Variants in THSD4 observed in about 807,000 individuals in gnomAD.
THSD4 encodes the protein thrombospondin type 1 domain containing 4, also known as thrombospondin type-1 domain-containing protein 4.
A neutral mutation model predicts 119.0 loss-of-function variants in THSD4; 69 were observed. That is an observed-to-expected ratio of 0.58 (90% confidence interval 0.48 to 0.71). The LOEUF is 0.71. Ranked by LOEUF, THSD4 falls within the 30% of genes least tolerant of loss-of-function variation. The pLI, the probability that THSD4 is intolerant of heterozygous loss-of-function variation, is 0.00. For synonymous variants in THSD4, 524 were observed against 540.4 expected (o/e 0.97, Z 0.42); for missense variants, 1,393 against 1,391.1 (o/e 1.00, Z -0.02).
intron 1 of THSD4, among the ~76,000 whole-genome samples, chr15:71,109,038 A>G (rs1213262342): frequency 6.6e-6 from 1 of 151,990 alleles, no homozygotes; most frequent in Non-Finnish European, 1.5e-5. Context: ...AAACAAAAAG[A>G]GAAAATACTC....
chr15:71,706,155 G>T (rs573604417), intron 8 of THSD4, among the ~76,000 whole-genome samples: 3 of 152,156 alleles, frequency 2.0e-5, no homozygotes, highest in Non-Finnish European at 2.9e-5. Context: ...CTGGCCTTCC[G>T]AACAGAAGAC....
intron 14 of THSD4, 29 bp from the exon 15 acceptor site, chr15:71,757,873 G>T (rs754807557): frequency 6.2e-7 from 1 of 1,610,980 alleles, no homozygotes. Context: ...AGGGCCTCCT[G>T]ACTAATGTGC....
chr15:71,271,146 T>C (rs1485133261), intron 6 of THSD4, among the ~76,000 whole-genome samples: 1 of 130,898 alleles, frequency 7.6e-6, no homozygotes, highest in Non-Finnish European at 1.8e-5. Context: ...AGTAATCGTT[T>C]TGCCATAAAA....
intron 8 of THSD4, among the ~76,000 whole-genome samples, chr15:71,727,552 AAATATATAT>A (rs2052874654): frequency 9.4e-6 from 1 of 106,410 alleles, no homozygotes; most frequent in African/African-American, 4.6e-5. Context: ...AAAAAAAAAA[AAATATATAT>A]ATATATATAT....
At chr15:71,532,863 C>T (rs2048636166) in intron 7 of THSD4, among the ~76,000 whole-genome samples, 1 of 152,124 alleles carries the variant, frequency 6.6e-6, no homozygotes, top group African/African-American at 2.4e-5. Flanking sequence ...TGGAAGAAAA[C>T]CAATGAGTTG....
intron 7 of THSD4, among the ~76,000 whole-genome samples, chr15:71,425,769 G>A (rs1018010173): frequency 1.3e-5 from 2 of 152,212 alleles, no homozygotes; most frequent in African/African-American, 4.8e-5. Flanking sequence ...TTGAATTTCA[G>A]CAAATGAAGT....
intron 7 of THSD4, among the ~76,000 whole-genome samples, chr15:71,553,698 A>G (rs1308101379): frequency 6.6e-6 from 1 of 152,166 alleles, no homozygotes; most frequent in Non-Finnish European, 1.5e-5. Flanking sequence ...GATACATTTT[A>G]TCCAGTTACA....
At chr15:71,550,098 G>A (rs1324319246) in intron 7 of THSD4, among the ~76,000 whole-genome samples, 2 of 152,234 alleles carry the variant, frequency 1.3e-5, no homozygotes, top group African/African-American at 4.8e-5. Flanking sequence ...TCTTAGTCAA[G>A]GTTAGGGTGG....
At chr15:71,319,184 T>A (rs2045232392) in intron 6 of THSD4, among the ~76,000 whole-genome samples, 1 of 152,148 alleles carries the variant, frequency 6.6e-6, no homozygotes, top group Admixed American at 6.5e-5. Flanking sequence ...AGGACACTCC[T>A]GGTATGTCTA....
At chr15:71,627,605 C>T (rs933330187) in intron 7 of THSD4, among the ~76,000 whole-genome samples, 3 of 152,138 alleles carry the variant, frequency 2.0e-5, no homozygotes, top group Admixed American at 1.3e-4. Context: ...CATATGAGGA[C>T]CGCCTGTTGG....
intron 12 of THSD4, 121 bp downstream of exon 12, chr15:71,745,356 C>G (rs2053315646): frequency 2.0e-5 from 26 of 1,327,188 alleles, no homozygotes; most frequent in Non-Finnish European, 2.6e-5. Flanking sequence ...AGACTTGGAC[C>G]ATGCATAAAA....
chr15:71,370,923 T>C (rs2140435241), intron 6 of THSD4, among the ~76,000 whole-genome samples: 1 of 152,368 alleles, frequency 6.6e-6, no homozygotes, highest in East Asian at 1.9e-4. Context: ...TAAGTCTCTT[T>C]GTAAGTCTCT....
At chr15:71,255,389 A>G (rs977189218) in intron 5 of THSD4, among the ~76,000 whole-genome samples, 3 of 152,198 alleles carry the variant, frequency 2.0e-5, no homozygotes, top group Non-Finnish European at 4.4e-5. Context: ...CACTTTGCTC[A>G]TATTTACCAT....
At chr15:71,142,117 G>T (rs2040610562) in intron 2 of THSD4, among the ~76,000 whole-genome samples, 1 of 151,988 alleles carries the variant, frequency 6.6e-6, no homozygotes, top group East Asian at 1.9e-4. Flanking sequence ...TGGTTGCAAC[G>T]CCATAGATTT....
rs551215790 is a variant in THSD4 at position 71,185,056 on chromosome 15, G to A, written c.100-29979G>A. 1.2e-4 allele frequency among the ~76,000 whole-genome samples: 18 copies of A among 151,628 alleles called. 1 individual carries two copies. The South Asian group carries it at 3.8e-3, about 32-fold the overall frequency. On this transcript the variant is annotated intron_variant, in intron 3 of 17. Coordinates refer to ENST00000261862, the MANE Select transcript of THSD4 (RefSeq NM_024817.3). ...CCTTTTAAATTGCATCAAAACCTTT[G>A]AGCTAAGCCCATTGGCCACAGAGTT...
chr15:71,372,549 G>C (rs2046069413), intron 6 of THSD4, among the ~76,000 whole-genome samples: 1 of 152,248 alleles, frequency 6.6e-6, no homozygotes, highest in South Asian at 2.1e-4. Flanking sequence ...GTCCACTGCA[G>C]ACCCTGTTTG....
intron 7 of THSD4, among the ~76,000 whole-genome samples, chr15:71,594,867 C>T (rs117450846): frequency 2.7e-3 from 406 of 152,068 alleles, no homozygotes; most frequent in Admixed American, 3.5e-3. Flanking sequence ...AGCTCGGGAG[C>T]GGAAATAAGT....
intron 7 of THSD4, among the ~76,000 whole-genome samples, chr15:71,507,852 A>G (rs1455913798): frequency 6.6e-6 from 1 of 152,186 alleles, no homozygotes; most frequent in Non-Finnish European, 1.5e-5. Flanking sequence ...AACCCCATGA[A>G]GCTCCAAGGG....
At chr15:71,698,416 G>A (rs1595872892) in intron 8 of THSD4, among the ~76,000 whole-genome samples, 1 of 151,900 alleles carries the variant, frequency 6.6e-6, no homozygotes, top group African/African-American at 2.4e-5. Context: ...ATGAAAAACA[G>A]TATGGAGGTT....
Sources: gnomAD v4.1 joint callset for allele counts (sites outside exome capture counted in the v4.1 genomes callset) on GRCh38, gnomAD v4.1.1 for gene constraint, MANE v1.5 for transcripts, NCBI Gene and HGNC (gene_info 2026-07-23, HGNC 2026-07-21) for gene names.